NETO2: variants seen among roughly 807,000 people sequenced by gnomAD.
The protein encoded by NETO2 is neuropilin and tolloid-like protein 2.
A neutral mutation model predicts 62.5 loss-of-function variants in NETO2; 28 were observed. The observed-to-expected ratio is 0.45, with a 90% CI of 0.33 to 0.61. The LOEUF (loss-of-function observed/expected upper bound fraction) is 0.61. Ranked by LOEUF, NETO2 falls within the 20% of genes least tolerant of loss-of-function variation. The probability of loss-of-function intolerance (pLI) is 0.02; values close to 1 mark genes in which losing one functional copy is unlikely to be tolerated. For missense variants in NETO2, 548 were observed against 643.2 expected, an observed-to-expected ratio of 0.85 and a Z score of 1.60; for synonymous variants, 214 against 219.1, an observed-to-expected ratio of 0.98 and a Z score of 0.21.
At chr16:47,095,789 T>C (rs1963415595) in intron 7 of NETO2, among the ~76,000 whole-genome samples, 1 of 152,134 alleles carries the variant, frequency 6.6e-6, no homozygotes, top group South Asian at 2.1e-4. Context: ...ATAAAGGACC[T>C]GAACACCACT....
rs1963065674 is a variant in NETO2 at position 47,081,834 on chromosome 16, T to C, written c.*1387A>G. 6.6e-6 allele frequency: 1 copy of C among 152,496 alleles called. No individual in the cohort carries two copies. The highest frequency in any genetic ancestry group is 2.4e-5 in the African/African-American group (1 of 41,448). 9.4% of individuals were successfully genotyped at this position (152,496 alleles called of 1,614,324 possible). A position where few individuals can be genotyped will look rare whatever the true frequency, so the allele number is the denominator to read the frequency against. On this transcript the variant is annotated 3_prime_UTR_variant, in exon 9 of 9. Coordinates refer to ENST00000562435, the MANE Select transcript of NETO2 (RefSeq NM_018092.5). Reference sequence around the variant, plus strand: ...TTTTAATATGGGATTTGTGTAGTGATTTAGAGCATAAATATCACACAGTGA... The same window carrying C: ...TTTTAATATGGGATTTGTGTAGTGACTTAGAGCATAAATATCACACAGTGA...
At chr16:47,101,728 A>C (rs1343634508) in intron 7 of NETO2, among the ~76,000 whole-genome samples, 1 of 152,200 alleles carries the variant, frequency 6.6e-6, no homozygotes, top group Admixed American at 6.5e-5. Flanking sequence ...CTTACAAGGG[A>C]TGTGAAGGAC....
intron 7 of NETO2, among the ~76,000 whole-genome samples, chr16:47,088,443 T>G (rs1337313928): frequency 6.6e-6 from 1 of 152,234 alleles, no homozygotes; most frequent in East Asian, 1.9e-4. Flanking sequence ...AAATTATAAT[T>G]GGACAAAATG....
chr16:47,108,456 T>G (rs1161853703), intron 7 of NETO2, among the ~76,000 whole-genome samples: 1 of 152,298 alleles, frequency 6.6e-6, no homozygotes, highest in Non-Finnish European at 1.5e-5. Context: ...AATGGTACCA[T>G]GTACCCCTGC....
intron 7 of NETO2, among the ~76,000 whole-genome samples, chr16:47,091,628 C>T (rs1268839316): frequency 6.6e-6 from 1 of 152,246 alleles, no homozygotes; most frequent in African/African-American, 2.4e-5. Context: ...CCCTTGGGTG[C>T]CATCCATTCC....
chr16:47,095,126 C>T (rs1963403470), intron 7 of NETO2, among the ~76,000 whole-genome samples: 1 of 152,080 alleles, frequency 6.6e-6, no homozygotes, highest in South Asian at 2.1e-4. Context: ...ACATGCTTAC[C>T]AAATAGTGAA....
intron 4 of NETO2, among the ~76,000 whole-genome samples, chr16:47,127,452 T>TGTA (rs1964179394): frequency 6.6e-6 from 1 of 152,138 alleles, no homozygotes; most frequent in African/African-American, 2.4e-5. Context: ...CACACACACA[T>TGTA]ATAGTTTTTT....
At position 47,083,219 on chromosome 16, in the gene NETO2, G is replaced by A; in HGVS notation, c.*2C>T. 1 of 1,603,134 alleles carries A rather than the reference G, an allele frequency of 6.2e-7. No individual in the cohort carries two copies. The highest frequency in any genetic ancestry group is 8.5e-7 in the Non-Finnish European group (1 of 1,173,828). The stretch of plus-strand genomic sequence containing the variant: ...AGAATTCACATCACCATTAGCAGAA[G>A]ATTAGAAGTCAATGGATATGGATGC... On this transcript the variant is annotated 3_prime_UTR_variant, in exon 9 of 9. Transcript: ENST00000562435.
intron 2 of NETO2, 136 bp from the exon 3 acceptor site, chr16:47,129,500 G>C (rs1964222513): frequency 1.2e-6 from 1 of 867,394 alleles, no homozygotes; most frequent in East Asian, 2.6e-5. Context: ...GTCAAATTTA[G>C]CACAATAAAT....
intron 7 of NETO2, among the ~76,000 whole-genome samples, chr16:47,101,640 T>C (rs1352817603): frequency 6.6e-6 from 1 of 151,728 alleles, no homozygotes. Flanking sequence ...TATACACCAA[T>C]AATAGACAGA....
rs138640228 is a variant in NETO2 at position 47,133,604 on chromosome 16, CATAAAATAAAATAAAATAAAATAAA to C, written c.35-1604_35-1580del. ...AATAACATAACATAAAATGACATAACATAAAATAAAATAAAATAAAATAAAATAAAATAAAATAAAATAAAATAAA... is the reference window on the plus strand; with the variant it reads ...AATAACATAACATAAAATGACATAACATAAAATAAAATAAAATAAAATAAA... On this transcript the variant is annotated intron_variant, in intron 1 of 8. Coordinates refer to ENST00000562435, the MANE Select transcript of NETO2 (RefSeq NM_018092.5). Among the ~76,000 whole-genome samples, 1,025 of 135,816 alleles carry C rather than the reference CATAAAATAAAATAAAATAAAATAAA, an allele frequency of 7.5e-3. 10 individuals carry two copies. The highest frequency in any genetic ancestry group is 0.026 in the African/African-American group (960 of 36,568). 89.1% of individuals were successfully genotyped at this position (135,816 alleles called of 152,430 possible). A position where few individuals can be genotyped will look rare whatever the true frequency, so the allele number is the denominator to read the frequency against.
At chr16:47,092,960 TG>T (rs1596704687) in intron 7 of NETO2, among the ~76,000 whole-genome samples, 2 of 152,318 alleles carry the variant, frequency 1.3e-5, no homozygotes, top group East Asian at 3.9e-4. Flanking sequence ...TTGAATCCTG[TG>T]GATTCCGTTT....
In NETO2 at chr16:47,080,918, G is replaced by C. The variant is rs1287713258; in HGVS notation, c.*2303C>G. ...GTTTTTTTACTGTGAAAAGCAAAAA[G>C]TGTTTTAGCAGCCAGAAAATTCAGA... On this transcript the variant is annotated 3_prime_UTR_variant, in exon 9 of 9. Transcript: ENST00000562435. The C allele has an allele frequency of 6.6e-6, 1 of 152,166 alleles. No homozygotes were observed. The highest frequency in any genetic ancestry group is 1.5e-5 in the Non-Finnish European group (1 of 68,006). The allele number at this position is 152,166 out of a possible 1,614,324, so 9.4% of individuals were successfully genotyped here.
intron 1 of NETO2, among the ~76,000 whole-genome samples, chr16:47,138,763 C>T (rs185652972): frequency 2.0e-4 from 31 of 152,316 alleles, no homozygotes; most frequent in African/African-American, 7.2e-4. Flanking sequence ...AGTAGAGTCC[C>T]ATTATAGTTA....
At chr16:47,115,732 C>CATATATATATATATATATAT (rs1390345855) in intron 6 of NETO2, among the ~76,000 whole-genome samples, 2 of 134,490 alleles carry the variant, frequency 1.5e-5, no homozygotes, top group Non-Finnish European at 1.5e-5. Flanking sequence ...TATATATATA[C>CATATATATATATATATATAT]ATGTATATAT....
intron 6 of NETO2, among the ~76,000 whole-genome samples, chr16:47,113,579 TTTA>T (rs1963845866): frequency 6.6e-6 from 1 of 151,234 alleles, no homozygotes; most frequent in East Asian, 1.9e-4. Flanking sequence ...TGTACCACAG[TTTA>T]TTCTTTTTTT....
intron 4 of NETO2, 35 bp from the exon 5 acceptor site, chr16:47,122,947 G>A (rs1392178780): frequency 6.3e-7 from 1 of 1,590,262 alleles, no homozygotes; most frequent in Non-Finnish European, 8.6e-7. Context: ...CATTGGTACT[G>A]AGATAGTTAC....
In NETO2 at chr16:47,085,887, T is replaced by C. The variant is rs547822474; in HGVS notation, c.997+339A>G. Among the ~76,000 whole-genome samples the C allele has an allele frequency of 3.3e-5, 5 of 151,784 alleles. No individual in the cohort carries two copies. In the East Asian group the frequency reaches 9.9e-4, roughly 30 times the overall value. ...TTGGGAGGCCGAGGTGGGCAGATCA[T>C]GAGGTCAGGAGATCGAGACCATCCT... On this transcript the variant is annotated intron_variant, in intron 8 of 8. Transcript: ENST00000562435.
At chr16:47,108,953 A>G (rs1963731077) in intron 7 of NETO2, among the ~76,000 whole-genome samples, 1 of 152,236 alleles carries the variant, frequency 6.6e-6, no homozygotes, top group Non-Finnish European at 1.5e-5. Flanking sequence ...TCATGGATTC[A>G]TAACTATTCA....
Sources: allele counts gnomAD v4.1 joint callset (sites outside exome capture counted in the v4.1 genomes callset), GRCh38; gene constraint gnomAD v4.1.1; transcripts MANE v1.5; gene names NCBI Gene and HGNC (gene_info 2026-07-23, HGNC 2026-07-21).